The following ADAMTS19 variants were observed in gnomAD, a reference collection of about 807,000 sequenced individuals.
ADAMTS19 encodes ADAM metallopeptidase with thrombospondin type 1 motif 19.
Under a neutral mutation model 153.3 loss-of-function variants are expected in ADAMTS19, and 93 were observed. The observed-to-expected ratio is 0.61, with a 90% CI of 0.51 to 0.72. The LOEUF (loss-of-function observed/expected upper bound fraction) is 0.72, where lower values mean the gene tolerates loss of function less well. Among genes scored for constraint, ADAMTS19 ranks in the 30% least tolerant of loss-of-function variants. The probability of loss-of-function intolerance (pLI) is 0.00; values close to 1 mark genes in which losing one functional copy is unlikely to be tolerated. For synonymous variants in ADAMTS19, 600 were observed against 556.6 expected (o/e 1.08, Z -1.10); for missense variants, 1,482 against 1,552.1 (o/e 0.95, Z 0.76).
intron 21 of ADAMTS19, among the ~76,000 whole-genome samples, chr5:129,707,114 G>A (rs1008499004): frequency 3.3e-5 from 5 of 152,124 alleles, no homozygotes; most frequent in Non-Finnish European, 5.9e-5. Flanking sequence ...GGCGGATCAA[G>A]AATACAATAT....
chr5:129,657,703 T>C (rs144467134), intron 14 of ADAMTS19, among the ~76,000 whole-genome samples: 31 of 152,314 alleles, frequency 2.0e-4, no homozygotes, highest in African/African-American at 7.2e-4. Flanking sequence ...CCAAAGGAGA[T>C]AGGGATGGAT....
At chr5:129,655,887 A>G (rs1166404255) in intron 14 of ADAMTS19, among the ~76,000 whole-genome samples, 1 of 152,182 alleles carries the variant, frequency 6.6e-6, no homozygotes. Context: ...AATTTATTTT[A>G]TTCCTTAACA....
chr5:129,503,616 A>ATCACCTGAGGTCAGGAGT (rs1230914139), intron 2 of ADAMTS19, among the ~76,000 whole-genome samples: 2 of 152,148 alleles, frequency 1.3e-5, no homozygotes. Context: ...AGGCATGCGG[A>ATCACCTGAGGTCAGGAGT]TCACCTGAGG....
chr5:129,724,910 C>T (rs1483154852), intron 21 of ADAMTS19, among the ~76,000 whole-genome samples: 1 of 152,060 alleles, frequency 6.6e-6, no homozygotes, highest in Non-Finnish European at 1.5e-5. Flanking sequence ...TATTCTACAC[C>T]TGGATGACAA....
At chr5:129,473,508 T>A (rs997887170) in intron 2 of ADAMTS19, among the ~76,000 whole-genome samples, 2 of 152,080 alleles carry the variant, frequency 1.3e-5, no homozygotes, top group Non-Finnish European at 2.9e-5. Context: ...TATTACAAGA[T>A]AGAAAGTTTG....
At chr5:129,680,841 T>C (rs921202514) in intron 17 of ADAMTS19, among the ~76,000 whole-genome samples, 2 of 152,052 alleles carry the variant, frequency 1.3e-5, no homozygotes, top group Non-Finnish European at 2.9e-5. Flanking sequence ...GATGGAATTC[T>C]GTCCAGGCTG....
intron 8 of ADAMTS19, among the ~76,000 whole-genome samples, chr5:129,610,876 C>T (rs1380384228): frequency 6.6e-6 from 1 of 152,216 alleles, no homozygotes; most frequent in East Asian, 1.9e-4. Context: ...CTGTCTTCCA[C>T]AATGGTTGAA....
At chr5:129,492,024 C>T (rs1158856797) in intron 2 of ADAMTS19, among the ~76,000 whole-genome samples, 1 of 151,978 alleles carries the variant, frequency 6.6e-6, no homozygotes, top group African/African-American at 2.4e-5. Flanking sequence ...TACCTGAGAC[C>T]AGGTAATTTA....
chr5:129,721,833 A>G (rs573487829), intron 21 of ADAMTS19, among the ~76,000 whole-genome samples: 15 of 151,996 alleles, frequency 9.9e-5, no homozygotes, highest in Non-Finnish European at 1.0e-4. Flanking sequence ...GCTCCCACTT[A>G]TGAGTCAGAA....
intron 6 of ADAMTS19, among the ~76,000 whole-genome samples, chr5:129,551,138 A>G (rs1318909044): frequency 6.6e-6 from 1 of 151,660 alleles, no homozygotes; most frequent in Admixed American, 6.6e-5. Context: ...AAGGTTAAAT[A>G]ATTTGCCTAA....
intron 6 of ADAMTS19, among the ~76,000 whole-genome samples, chr5:129,537,890 T>C (rs887645272): frequency 3.9e-5 from 6 of 152,012 alleles, no homozygotes; most frequent in African/African-American, 1.5e-4. Context: ...AACCTGCACG[T>C]TGTGCACATG....
intron 11 of ADAMTS19, among the ~76,000 whole-genome samples, chr5:129,642,455 C>G (rs979887923): frequency 2.0e-5 from 3 of 152,032 alleles, no homozygotes; most frequent in Admixed American, 6.6e-5. Context: ...GTTTAATGTA[C>G]TTCATAAGGC....
At chr5:129,526,477 G>A (rs374241492) in intron 4 of ADAMTS19, 21 bp downstream of exon 4, 84 of 1,569,458 alleles carry the variant, frequency 5.4e-5, no homozygotes, top group Middle Eastern at 3.4e-4. Context: ...TTTAAAGTGC[G>A]CTTGGAATTT....
At chr5:129,552,481 T>C (rs990647093) in intron 7 of ADAMTS19, among the ~76,000 whole-genome samples, 1 of 151,662 alleles carries the variant, frequency 6.6e-6, no homozygotes, top group Admixed American at 6.6e-5. Flanking sequence ...TTTTAAAATG[T>C]ATCTATATAA....
intron 7 of ADAMTS19, among the ~76,000 whole-genome samples, chr5:129,576,420 A>G (rs1754102604): frequency 6.6e-6 from 1 of 152,076 alleles, no homozygotes. Context: ...CCATACACGG[A>G]GCAGGGCAAA....
chr5:129,610,302 T>A (rs932261962), intron 8 of ADAMTS19, among the ~76,000 whole-genome samples: 2 of 152,082 alleles, frequency 1.3e-5, no homozygotes, highest in African/African-American at 4.8e-5. Context: ...TATTCTTTTT[T>A]ATCATACTTT....
chr5:129,704,461 C>A (rs2127167671), intron 21 of ADAMTS19, 70 bp downstream of exon 21: 2 of 1,526,120 alleles, frequency 1.3e-6, no homozygotes, highest in Non-Finnish European at 1.8e-6. Context: ...GTACTATAAC[C>A]ACATAGCATG....
intron 8 of ADAMTS19, among the ~76,000 whole-genome samples, chr5:129,605,079 T>C (rs1750827105): frequency 6.6e-6 from 1 of 152,234 alleles, no homozygotes; most frequent in Non-Finnish European, 1.5e-5. Context: ...TTCTTTGGAC[T>C]AAGCTACCAA....
rs185567714 is a variant in ADAMTS19, at chr5:129,599,915, C to T, written c.1478+3251C>T. Among the ~76,000 whole-genome samples the T allele has an allele frequency of 3.9e-5, 6 of 152,180 alleles. No individual in the cohort carries two copies. The East Asian group carries it at 7.7e-4, about 20-fold the overall frequency. On this transcript the variant is annotated intron_variant, in intron 8 of 22. Coordinates refer to ENST00000274487, the MANE Select transcript of ADAMTS19 (RefSeq NM_133638.6). ...CCCCTTTACTAAAAATTCCCCATAG[C>T]AGTAAGCAATATTTGTCTCAAAAGT...
Sources: gnomAD v4.1 joint callset for allele counts (sites outside exome capture counted in the v4.1 genomes callset) on GRCh38, gnomAD v4.1.1 for gene constraint, MANE v1.5 for transcripts, NCBI Gene and HGNC (gene_info 2026-07-23, HGNC 2026-07-21) for gene names.